Variants in TMEM95 observed in about 807,000 individuals in gnomAD.
TMEM95 encodes the protein sperm-egg fusion protein TMEM95.
In TMEM95, 21 loss-of-function variants were observed where a neutral mutation model predicts 27.7. The ratio of observed to expected loss-of-function variants is 0.76; its 90% CI spans 0.54 to 1.09. The LOEUF is 1.09. Ranked by LOEUF, TMEM95 falls within the 50% of genes least tolerant of loss-of-function variation. TMEM95 has a pLI of 0.00. For missense variants in TMEM95, 203 were observed against 217.9 expected (o/e 0.93, Z 0.43); for synonymous variants, 77 against 85.7 (o/e 0.90, Z 0.56).
Position 7,356,284 on chromosome 17 carries a change from C to T in TMEM95, c.409+8C>T, listed in dbSNP as rs767774201. ...GAAAGCGCTGCTTCCCAGGTCCTCA[C>T]GCCCATCTTGGCCCCGCCCCACCTT... On this transcript the variant is annotated splice_region_variant and intron_variant, in intron 5 of 6. Coordinates refer to ENST00000576060, the MANE Select transcript of TMEM95 (RefSeq NM_001320436.2). The T allele has an allele frequency of 8.2e-6, 13 of 1,584,704 alleles. No homozygotes were observed. The East Asian group carries it at 8.9e-5, about 11-fold the overall frequency.
In TMEM95 at chr17:7,356,489, G is replaced by GAAAA; in HGVS notation, c.497+10_497+11insAAAA. On this transcript the variant is annotated intron_variant, in intron 6 of 6. Transcript: ENST00000576060. ...TGAGCCTCCTGGTGGAGTGAGTTTT[G>GAAAA]GGATAAAGACAGGAATCCTACCCCG... 1 of 1,613,742 alleles carries GAAAA rather than the reference G, an allele frequency of 6.2e-7. No individual in the cohort carries two copies. Among genetic ancestry groups the GAAAA allele is most frequent in the Non-Finnish European group, 8.5e-7 (1 of 1,179,816 alleles).
rs961035233 is a variant in TMEM95 at position 7,355,516 on chromosome 17, T to C, written c.170-70T>C. ...TTTCCCTCTGAGAGAGCTCCATATC[T>C]GGGAAAGTCAGGAGAGACCCCAGAA... On this transcript the variant is annotated intron_variant, in intron 1 of 6. Coordinates refer to ENST00000576060, the MANE Select transcript of TMEM95 (RefSeq NM_001320436.2). The surrounding 1 kb of genome is among the most constrained non-coding windows in gnomAD (Gnocchi z 4.9). 3.5e-5 allele frequency: 54 copies of C among 1,537,514 alleles called. No individual in the cohort carries two copies. In the Middle Eastern group the frequency reaches 2.2e-3, roughly 63 times the overall value.
chr17:7,355,370 T>C lies in TMEM95; in HGVS notation c.166T>C (p.Leu56=), dbSNP rs559252382. 11 of 1,610,990 alleles carry C rather than the reference T, an allele frequency of 6.8e-6. No individual in the cohort carries two copies. In the East Asian group the frequency reaches 1.1e-4, roughly 16 times the overall value. ...GASPDFSAFA[L]DEVSMNKVTE... is the part of the protein sequence containing the mutation. ...CTCCCCAGACTTCTCGGCCTTTGCC[T>C]TAGGTAGGACCAGACATCCAGGGAT... The change falls in exon 1 of 7, where the codon TTA becomes CTA. Residue 56 remains leucine (L), a synonymous_variant. Transcript: ENST00000576060. The surrounding 1 kb of genome is among the most constrained non-coding windows in gnomAD (Gnocchi z 4.9).
Position 7,356,373 on chromosome 17 carries a change from C to T in TMEM95, c.410-19C>T. 1 of 1,611,120 alleles carries T rather than the reference C, an allele frequency of 6.2e-7. No individual in the cohort carries two copies. The highest frequency in any genetic ancestry group is 8.5e-7 in the Non-Finnish European group (1 of 1,177,842). ...GTGTGGGTCCCAGAATCATTCACTG[C>T]CTCCTGGGTTCCCTGCAGGAAGTCA... On this transcript the variant is annotated intron_variant, in intron 5 of 6. Transcript: ENST00000576060.
Position 7,356,238 on chromosome 17 carries a change from C to T in TMEM95, c.371C>T (p.Thr124Met), listed in dbSNP as rs778817942. 4 of 1,567,696 alleles carry T rather than the reference C, an allele frequency of 2.6e-6. No individual in the cohort carries two copies. The highest frequency in any genetic ancestry group is 3.5e-6 in the Non-Finnish European group (4 of 1,158,108). The change falls in exon 5 of 7, where the codon ACG (threonine) becomes ATG (methionine). Residue 124 changes from threonine to methionine, a missense_variant. Physicochemically the swap from Thr to Met is moderately conservative, Grantham distance 81 (BLOSUM62 -1). Coordinates refer to ENST00000576060, the MANE Select transcript of TMEM95 (RefSeq NM_001320436.2). The stretch of plus-strand genomic sequence containing the variant: ...TACAACTGCTCCACCTGCAAGGGGA[C>T]GGAGGTGTCCTGCTGGCCCCGAAAG... ...TLYNCSTCKGTEVSCWPRKRC... is the reference protein window; with the variant it reads ...TLYNCSTCKGMEVSCWPRKRC...
chr17:7,356,420 T>G lies in TMEM95; in HGVS notation c.438T>G (p.Ile146Met). ...PGSQDLWEAKILLLSIFGAFL... is the reference protein window; with the variant it reads ...PGSQDLWEAKMLLLSIFGAFL... ...GTCAGGATCTTTGGGAAGCCAAGAT[T>G]CTGCTCCTCTCCATCTTCGGAGCTT... Residue 146 changes from isoleucine (I) to methionine (M), a missense_variant, in exon 6 of 7, where the codon ATT becomes ATG. Transcript: ENST00000576060. 1 of 1,614,136 alleles carries G rather than the reference T, an allele frequency of 6.2e-7. No individual in the cohort carries two copies. Among genetic ancestry groups the G allele is most frequent in the Non-Finnish European group, 8.5e-7 (1 of 1,180,010 alleles).
At position 7,355,482 on chromosome 17, in the gene TMEM95, A is replaced by G; in HGVS notation, c.170-104A>G. 1 of 1,533,844 alleles carries G rather than the reference A, an allele frequency of 6.5e-7. No individual in the cohort carries two copies. Among genetic ancestry groups the G allele is most frequent in the Non-Finnish European group, 8.8e-7 (1 of 1,135,360 alleles). ...CCTCCATCTGTGGCCCTTTCTGGAC[A>G]TGCTGGCCTTTCCCTCTGAGAGAGC... is the stretch of plus-strand genomic sequence containing the variant. On this transcript the variant is annotated intron_variant, in intron 1 of 6. Transcript: ENST00000576060. This position sits in a 1 kb window ranked among gnomAD's most constrained non-coding sequence, Gnocchi z 4.9.
In TMEM95 at chr17:7,356,695, T is replaced by G; in HGVS notation, c.*63T>G. On this transcript the variant is annotated 3_prime_UTR_variant, in exon 7 of 7. Transcript: ENST00000576060. ...TATGCACTCACAACTTCCACATCCC[T>G]TGGAGGGGAACCAGTCAGCCCCTTA... is the stretch of plus-strand genomic sequence containing the variant. 6.3e-7 allele frequency: 1 copy of G among 1,576,334 alleles called. No individual in the cohort carries two copies. Among genetic ancestry groups the G allele is most frequent in the Non-Finnish European group, 8.7e-7 (1 of 1,149,768 alleles).
In TMEM95 at chr17:7,355,583, C is replaced by G. The variant is rs2073477774; in HGVS notation, c.170-3C>G. The stretch of plus-strand genomic sequence containing the variant: ...AATCGCTGGTCCTTGCCCATCTCCA[C>G]AGATGAGGTGTCCATGAACAAAGTC... On this transcript the variant is annotated splice_region_variant and splice_polypyrimidine_tract_variant and intron_variant, in intron 1 of 6. Transcript: ENST00000576060. This position sits in a 1 kb window ranked among gnomAD's most constrained non-coding sequence, Gnocchi z 4.9. 6.4e-7 allele frequency: 1 copy of G among 1,554,688 alleles called. No homozygotes were observed. Among genetic ancestry groups the G allele is most frequent in the Non-Finnish European group, 8.7e-7 (1 of 1,148,408 alleles).
Position 7,356,710 on chromosome 17 carries a change from T to G in TMEM95, c.*78T>G, listed in dbSNP as rs756433470. 6.6e-7 allele frequency: 1 copy of G among 1,513,988 alleles called. No individual in the cohort carries two copies. The highest frequency in any genetic ancestry group is 9.1e-7 in the Non-Finnish European group (1 of 1,097,514). 93.8% of individuals were successfully genotyped at this position (1,513,988 alleles called of 1,614,324 possible). ...TCCACATCCCTTGGAGGGGAACCAGTCAGCCCCTTAGTCCCAGCTCCAAAG... is the reference window on the plus strand; with the variant it reads ...TCCACATCCCTTGGAGGGGAACCAGGCAGCCCCTTAGTCCCAGCTCCAAAG... On this transcript the variant is annotated 3_prime_UTR_variant, in exon 7 of 7. Transcript: ENST00000576060.
rs769218405 is a variant in TMEM95, at chr17:7,356,727, GCT to G, written c.*97_*98del. ...GGAACCAGTCAGCCCCTTAGTCCCA[GCT>G]CCAAAGACAGTCTCCAGACCCTAAA... On this transcript the variant is annotated 3_prime_UTR_variant, in exon 7 of 7. Transcript: ENST00000576060. 23 of 1,383,406 alleles carry G rather than the reference GCT, an allele frequency of 1.7e-5. 1 individual carries two copies. In the South Asian group the frequency reaches 2.6e-4, roughly 16 times the overall value. The allele number at this position is 1,383,406 out of a possible 1,614,324, so 85.7% of individuals were successfully genotyped here.
rs1555543363 is a variant in TMEM95 at position 7,355,764 on chromosome 17, A to AC, written c.227-74_227-73insC. ...GTAGAGACAGGAGGGCTGATCAGGG[A>AC]GGGGCTGCGTGAAGAGAGGGGGAAC... On this transcript the variant is annotated intron_variant, in intron 2 of 6. Transcript: ENST00000576060. This position sits in a 1 kb window ranked among gnomAD's most constrained non-coding sequence, Gnocchi z 4.9. 72 of 1,527,880 alleles carry AC rather than the reference A, an allele frequency of 4.7e-5. No individual in the cohort carries two copies. The African/African-American group carries it at 8.7e-4, about 19-fold the overall frequency. The allele number at this position is 1,527,880 out of a possible 1,614,324, so 94.6% of individuals were successfully genotyped here.
At chr17:7,356,087 C>T in intron 4 of TMEM95, 38 bp downstream of exon 4, 1 of 1,613,744 alleles carries the variant, frequency 6.2e-7, no homozygotes, top group Admixed American at 1.7e-5. Context: ...GGACCTGGGG[C>T]CTGCAGGGTG....
chr17:7,355,295 C>G lies in TMEM95; in HGVS notation c.91C>G (p.Leu31Val), dbSNP rs750993315. The G allele has an allele frequency of 6.2e-7, 1 of 1,614,110 alleles. No homozygotes were observed. Among genetic ancestry groups the G allele is most frequent in the Non-Finnish European group, 8.5e-7 (1 of 1,179,970 alleles). Residue 31 changes from leucine (L) to valine (V), a missense_variant, in exon 1 of 7, where the codon CTG becomes GTG. Transcript: ENST00000576060. The surrounding 1 kb of genome is among the most constrained non-coding windows in gnomAD (Gnocchi z 4.9). Reference sequence around the variant, plus strand: ...CCCAGCCCACGACTTGTCAGGCCGCCTGGCTCGGCTCTGCAGCCAGATGGA... The same window carrying G: ...CCCAGCCCACGACTTGTCAGGCCGCGTGGCTCGGCTCTGCAGCCAGATGGA... ...RLPAHDLSGR[L>V]ARLCSQMEAR...
Position 7,355,310 on chromosome 17 carries a change from A to G in TMEM95, c.106A>G (p.Ser36Gly), listed in dbSNP as rs2143020247. Residue 36 changes from serine to glycine, a missense_variant, in exon 1 of 7, where the codon AGC (serine) becomes GGC (glycine). Ser to Gly is a moderately conservative substitution (Grantham distance 56). Coordinates refer to ENST00000576060, the MANE Select transcript of TMEM95 (RefSeq NM_001320436.2). The surrounding 1 kb of genome is among the most constrained non-coding windows in gnomAD (Gnocchi z 4.9). ...GTCAGGCCGCCTGGCTCGGCTCTGC[A>G]GCCAGATGGAGGCCAGGCAGAAGGA... ...DLSGRLARLC[S>G]QMEARQKECG... The G allele has an allele frequency of 6.2e-7, 1 of 1,614,110 alleles. No individual in the cohort carries two copies. Among genetic ancestry groups the G allele is most frequent in the East Asian group, 2.2e-5 (1 of 44,884 alleles).
rs369196666 is a variant in TMEM95 at position 7,355,957 on chromosome 17, C to A, written c.307+39C>A. The A allele has an allele frequency of 1.2e-6, 2 of 1,613,448 alleles. No individual in the cohort carries two copies. The highest frequency in any genetic ancestry group is 2.7e-5 in the African/African-American group (2 of 74,882). On this transcript the variant is annotated intron_variant, in intron 3 of 6. Coordinates refer to ENST00000576060, the MANE Select transcript of TMEM95 (RefSeq NM_001320436.2). This position sits in a 1 kb window ranked among gnomAD's most constrained non-coding sequence, Gnocchi z 4.9. ...ATGGGCCTCAAGGGGAGCCTAGGGT[C>A]TTAACCAAAGGAATGTGTGGTGAGC... is the stretch of plus-strand genomic sequence containing the variant.
At position 7,356,280 on chromosome 17, in the gene TMEM95, C is replaced by A; in HGVS notation, c.409+4C>A. The A allele has an allele frequency of 6.3e-7, 1 of 1,583,340 alleles. No homozygotes were observed. ...CCCCGAAAGCGCTGCTTCCCAGGTC[C>A]TCACGCCCATCTTGGCCCCGCCCCA... On this transcript the variant is annotated splice_donor_region_variant and intron_variant, in intron 5 of 6. Coordinates refer to ENST00000576060, the MANE Select transcript of TMEM95 (RefSeq NM_001320436.2).
rs747236153 is a variant in TMEM95, at chr17:7,355,371, T to C, written c.167T>C (p.Leu56Ser). 1.9e-5 allele frequency: 30 copies of C among 1,610,112 alleles called. No homozygotes were observed. The highest frequency in any genetic ancestry group is 2.5e-5 in the Non-Finnish European group (30 of 1,177,332). The change falls in exon 1 of 7, where the codon TTA (leucine) becomes TCA (serine). Residue 56 changes from leucine to serine, a missense_variant and splice_region_variant. Coordinates refer to ENST00000576060, the MANE Select transcript of TMEM95 (RefSeq NM_001320436.2). The surrounding 1 kb of genome is among the most constrained non-coding windows in gnomAD (Gnocchi z 4.9). Reference sequence around the variant, plus strand: ...TCCCCAGACTTCTCGGCCTTTGCCTTAGGTAGGACCAGACATCCAGGGATG... The same window carrying C: ...TCCCCAGACTTCTCGGCCTTTGCCTCAGGTAGGACCAGACATCCAGGGATG... ...GASPDFSAFA[L>S]DEVSMNKVTE...
rs1228931385 is a variant in TMEM95, at chr17:7,356,385, C to T, written c.410-7C>T. 1.9e-6 allele frequency: 3 copies of T among 1,613,734 alleles called. No individual in the cohort carries two copies. The highest frequency in any genetic ancestry group is 2.5e-6 in the Non-Finnish European group (3 of 1,179,876). On this transcript the variant is annotated splice_polypyrimidine_tract_variant and splice_region_variant and intron_variant, in intron 5 of 6. Transcript: ENST00000576060. The stretch of plus-strand genomic sequence containing the variant: ...GAATCATTCACTGCCTCCTGGGTTC[C>T]CTGCAGGAAGTCAGGATCTTTGGGA...
Sources: gnomAD v4.1 joint callset for allele counts on GRCh38, gnomAD v4.1.1 for gene constraint, Gnocchi (gnomAD v3.1) non-coding constraint, MANE v1.5 for transcripts, NCBI Gene and HGNC (gene_info 2026-07-23, HGNC 2026-07-21) for gene names.